Variants in PXDC1 observed in about 807,000 individuals in gnomAD.
PXDC1 encodes the protein PX domain containing 1, also known as PX domain-containing protein 1.
PXDC1 carries 13 observed loss-of-function variants against 24.4 expected under a neutral mutation model. The ratio of observed to expected loss-of-function variants is 0.53; its 90% CI spans 0.35 to 0.85. PXDC1 has a LOEUF of 0.85. PXDC1 is among the 40% of genes least tolerant of loss of function. PXDC1 has a pLI of 0.01. For missense variants in PXDC1, 344 were observed against 309.3 expected (o/e 1.11, Z -0.84); for synonymous variants, 162 against 124.9 (o/e 1.30, Z -1.98).
intron 1 of PXDC1, chr6:3,751,014 C>T: frequency 2.2e-6 from 1 of 446,280 alleles, no homozygotes; most frequent in Non-Finnish European, 3.9e-6. Context: ...AGTCCGGCGC[C>T]CGCCCTGCCG....
intron 1 of PXDC1, chr6:3,738,757 G>C (rs1477810274): frequency 7.8e-7 from 1 of 1,290,274 alleles, no homozygotes; most frequent in African/African-American, 1.5e-5. Context: ...ACACACCCGA[G>C]TGGCTGTCAG....
intron 3 of PXDC1, among the ~76,000 whole-genome samples, chr6:3,734,327 CG>C (rs1380800892): frequency 1.3e-5 from 2 of 152,166 alleles, no homozygotes; most frequent in Non-Finnish European, 2.9e-5. Flanking sequence ...CCCTCTCACT[CG>C]GGGGCCAGCA....
rs778399924 is a variant in PXDC1, at chr6:3,751,489, A to C, written c.43T>G (p.Phe15Val). 1 of 1,604,092 alleles carries C rather than the reference A, an allele frequency of 6.2e-7. No individual in the cohort carries two copies. The highest frequency in any genetic ancestry group is 1.1e-5 in the South Asian group (1 of 89,438). The change falls in exon 1 of 5, where the codon TTC becomes GTC. Residue 15 changes from phenylalanine (F) to valine (V), a missense_variant. Coordinates refer to ENST00000380283, the MANE Select transcript of PXDC1 (RefSeq NM_183373.4). ...VFEGTSLVNM[F>V]VRGCWVNGIR... ...CCGTTCACCCAGCAGCCGCGCACGA[A>C]CATGTTCACGAGCGACGTGCCCTCA... is the stretch of plus-strand genomic sequence containing the variant.
At chr6:3,746,076 T>C (rs1180652254) in intron 1 of PXDC1, among the ~76,000 whole-genome samples, 1 of 152,184 alleles carries the variant, frequency 6.6e-6, no homozygotes, top group Non-Finnish European at 1.5e-5. Context: ...GCTCCTGAGC[T>C]GAGTCCCTGG....
chr6:3,740,982 G>A (rs933747252), intron 1 of PXDC1, among the ~76,000 whole-genome samples: 42 of 152,392 alleles, frequency 2.8e-4, no homozygotes, highest in African/African-American at 8.7e-4. Flanking sequence ...CCAGGGATGC[G>A]ATGTTCGCTG....
At chr6:3,732,490 A>G (rs1760221585) in intron 3 of PXDC1, among the ~76,000 whole-genome samples, 1 of 152,260 alleles carries the variant, frequency 6.6e-6, no homozygotes, top group Non-Finnish European at 1.5e-5. Flanking sequence ...GAGATTGATG[A>G]GTCCAAGTTG....
chr6:3,751,362 A>C lies in PXDC1; in HGVS notation c.170T>G (p.Leu57Arg). ...DRSVLYLHRS[L>R]ADLGRLWQRL... The stretch of plus-strand genomic sequence containing the variant: ...CTGCCACAGGCGGCCCAGGTCCGCC[A>C]GGCTGCGGTGCAGGTAGAGCACGCT... Residue 57 changes from leucine to arginine, a missense_variant, in exon 1 of 5, where the codon CTG becomes CGG. Transcript: ENST00000380283. The C allele has an allele frequency of 6.4e-7, 1 of 1,560,358 alleles. No individual in the cohort carries two copies. Among genetic ancestry groups the C allele is most frequent in the Non-Finnish European group, 8.7e-7 (1 of 1,154,778 alleles).
intron 1 of PXDC1, among the ~76,000 whole-genome samples, chr6:3,745,635 C>A (rs909239595): frequency 1.3e-5 from 2 of 152,076 alleles, no homozygotes; most frequent in Admixed American, 1.3e-4. Flanking sequence ...CTGAGCCTGA[C>A]CCCTCTCACT....
intron 1 of PXDC1, among the ~76,000 whole-genome samples, chr6:3,750,066 G>A (rs1179610241): frequency 6.6e-6 from 1 of 152,242 alleles, no homozygotes; most frequent in Non-Finnish European, 1.5e-5. Flanking sequence ...CCTGAAAGGC[G>A]GGCCTTCTCG....
chr6:3,751,091 C>T, intron 1 of PXDC1, 185 bp downstream of exon 1: 8 of 514,552 alleles, frequency 1.6e-5, no homozygotes. Flanking sequence ...GGCAGGCTGG[C>T]TCCCCGTCCC....
At chr6:3,749,671 AC>A (rs1273520528) in intron 1 of PXDC1, among the ~76,000 whole-genome samples, 1 of 151,900 alleles carries the variant, frequency 6.6e-6, no homozygotes, top group African/African-American at 2.4e-5. Context: ...AACAATGACA[AC>A]TGGCATTTAT....
At chr6:3,748,036 T>C (rs1760607895) in intron 1 of PXDC1, among the ~76,000 whole-genome samples, 1 of 152,078 alleles carries the variant, frequency 6.6e-6, no homozygotes, top group African/African-American at 2.4e-5. Flanking sequence ...ACTATAGAAA[T>C]AACAATCGAA....
chr6:3,722,649 G>T lies in PXDC1; in HGVS notation c.*970C>A, dbSNP rs1759965869. 1 of 152,628 alleles carries T rather than the reference G, an allele frequency of 6.6e-6. No homozygotes were observed. Among genetic ancestry groups the T allele is most frequent in the African/African-American group, 2.4e-5 (1 of 41,442 alleles). 9.5% of individuals were successfully genotyped at this position (152,628 alleles called of 1,614,324 possible). On this transcript the variant is annotated 3_prime_UTR_variant, in exon 5 of 5. Coordinates refer to ENST00000380283, the MANE Select transcript of PXDC1 (RefSeq NM_183373.4). ...TCATAGATTTTATTTAATTAAAATAGATTAAAAACAGACTGTGTAAAAGAA... is the reference window on the plus strand; with the variant it reads ...TCATAGATTTTATTTAATTAAAATATATTAAAAACAGACTGTGTAAAAGAA...
At chr6:3,746,404 T>G (rs907921265) in intron 1 of PXDC1, among the ~76,000 whole-genome samples, 1 of 152,034 alleles carries the variant, frequency 6.6e-6, no homozygotes, top group Non-Finnish European at 1.5e-5. Flanking sequence ...CGCGTGAAGG[T>G]GGGTGGCCCC....
chr6:3,738,502 G>C (rs1323047380), intron 1 of PXDC1, among the ~76,000 whole-genome samples: 1 of 152,192 alleles, frequency 6.6e-6, no homozygotes, highest in Non-Finnish European at 1.5e-5. Context: ...CCACCAGCGT[G>C]GTGGCTACAG....
chr6:3,732,982 A>G (rs1760236025), intron 3 of PXDC1, among the ~76,000 whole-genome samples: 1 of 152,228 alleles, frequency 6.6e-6, no homozygotes, highest in Non-Finnish European at 1.5e-5. Context: ...CTGCAGGGCC[A>G]CAGTCCATGC....
chr6:3,723,216 A>C lies in PXDC1; in HGVS notation c.*403T>G. The C allele has an allele frequency of 5.0e-5, 9 of 180,276 alleles. No homozygotes were observed. The highest frequency in any genetic ancestry group is 8.1e-5 in the Non-Finnish European group (7 of 86,920). The allele number at this position is 180,276 out of a possible 1,614,324, so 11.2% of individuals were successfully genotyped here. On this transcript the variant is annotated 3_prime_UTR_variant, in exon 5 of 5. Coordinates refer to ENST00000380283, the MANE Select transcript of PXDC1 (RefSeq NM_183373.4). ...TTTTGTGCGTTTGCCGTGGGAGGGA[A>C]TGGTGGGGAGTCAGGGTGGCTGGGG... is the stretch of plus-strand genomic sequence containing the variant.
chr6:3,746,645 A>G lies in PXDC1; in HGVS notation c.256+4631T>C, dbSNP rs932976204. On this transcript the variant is annotated intron_variant, in intron 1 of 4. Coordinates refer to ENST00000380283, the MANE Select transcript of PXDC1 (RefSeq NM_183373.4). ...CTTGCAAGGGCCCACTGGATGGGGC[A>G]GAGATGGTGCCTCTGTGCCCCTGCT... is the stretch of plus-strand genomic sequence containing the variant. Among the ~76,000 whole-genome samples, 29 of 152,166 alleles carry G rather than the reference A, an allele frequency of 1.9e-4. 1 individual carries two copies. The highest frequency in any genetic ancestry group is 1.5e-5 in the Non-Finnish European group (1 of 68,020).
At position 3,738,819 on chromosome 6, in the gene PXDC1, G is replaced by A. The variant is rs965947789; in HGVS notation, c.257-671C>T. On this transcript the variant is annotated intron_variant, in intron 1 of 4. Transcript: ENST00000380283. ...ACCATAGCTCGAGGCATGAAGGCTC[G>A]GGTGCTTTTCTATCTCCCCATGAGA... is the stretch of plus-strand genomic sequence containing the variant. 23 of 1,303,088 alleles carry A rather than the reference G, an allele frequency of 1.8e-5. No individual in the cohort carries two copies. The Admixed American group carries it at 3.0e-4, about 17-fold the overall frequency. The allele number at this position is 1,303,088 out of a possible 1,614,324, so 80.7% of individuals were successfully genotyped here.
Sources: allele counts gnomAD v4.1 joint callset (sites outside exome capture counted in the v4.1 genomes callset), GRCh38; gene constraint gnomAD v4.1.1; transcripts MANE v1.5; gene names NCBI Gene and HGNC (gene_info 2026-07-23, HGNC 2026-07-21).